SMU1: variants seen among roughly 807,000 people sequenced by gnomAD.
The protein encoded by SMU1 is WD40 repeat-containing protein SMU1.
A neutral mutation model predicts 62.0 loss-of-function variants in SMU1; 2 were observed. The ratio of observed to expected loss-of-function variants is 0.03; its 90% CI spans 0.01 to 0.10. The LOEUF is 0.10. Among genes scored for constraint, SMU1 ranks in the 10% least tolerant of loss-of-function variants. The pLI is 1.00. For missense variants in SMU1, 227 were observed against 622.1 expected, an observed-to-expected ratio of 0.36 and a Z score of 6.76; for synonymous variants, 188 against 212.4, an observed-to-expected ratio of 0.89 and a Z score of 1.00.
chr9:33,047,548 T>C (rs1220707875), intron 11 of SMU1, 157 bp from the exon 12 acceptor site: 3 of 162,428 alleles, frequency 1.8e-5, no homozygotes, highest in African/African-American at 7.2e-5. Flanking sequence ...CCAACTCACA[T>C]CACATTGTGA....
At chr9:33,060,130 T>A (rs1234934326) in intron 6 of SMU1, among the ~76,000 whole-genome samples, 1 of 152,108 alleles carries the variant, frequency 6.6e-6, no homozygotes, top group Admixed American at 6.5e-5. Context: ...CACTTCAGCC[T>A]CCCAGGCAGC....
intron 2 of SMU1, among the ~76,000 whole-genome samples, chr9:33,072,333 C>G (rs1839496024): frequency 6.6e-6 from 1 of 152,064 alleles, no homozygotes; most frequent in Non-Finnish European, 1.5e-5. Flanking sequence ...CGAGATCTGT[C>G]TCAATAAATA....
rs376541268 is a variant in SMU1, at chr9:33,059,584, CTGTTTTGTTT to C, written c.750+871_750+880del. Among the ~76,000 whole-genome samples, 588 of 146,308 alleles carry C rather than the reference CTGTTTTGTTT, an allele frequency of 4.0e-3. 5 individuals carry two copies. The highest frequency in any genetic ancestry group is 0.014 in the African/African-American group (546 of 39,210). The stretch of plus-strand genomic sequence containing the variant: ...CAGCCTGGGCCACAAGGGCGAAACT[CTGTTTTGTTT>C]TGTTTTGTTTTGTTTTGTTTTTTCC... On this transcript the variant is annotated intron_variant, in intron 6 of 11. Coordinates refer to ENST00000397149, the MANE Select transcript of SMU1 (RefSeq NM_018225.3).
chr9:33,054,144 C>T (rs1587707463), intron 9 of SMU1, among the ~76,000 whole-genome samples: 1 of 151,366 alleles, frequency 6.6e-6, no homozygotes, highest in Admixed American at 6.6e-5. Context: ...AAATAAAATA[C>T]AAACAAACAA....
rs374811318 is a variant in SMU1 at position 33,056,709 on chromosome 9, C to T, written c.995+128G>A. The stretch of plus-strand genomic sequence containing the variant: ...TTTGGGGACATAAGGTCTCACATAC[C>T]TTCCCTCTCCATATCACATCATCAT... On this transcript the variant is annotated intron_variant, in intron 8 of 11. Coordinates refer to ENST00000397149, the MANE Select transcript of SMU1 (RefSeq NM_018225.3). The T allele has an allele frequency of 4.2e-4, 437 of 1,032,116 alleles. 2 individuals are homozygous for T. The African/African-American group carries it at 5.9e-3, about 14-fold the overall frequency. 63.9% of individuals were successfully genotyped at this position (1,032,116 alleles called of 1,614,324 possible). A position where few individuals can be genotyped will look rare whatever the true frequency, so the allele number is the denominator to read the frequency against.
intron 8 of SMU1, among the ~76,000 whole-genome samples, chr9:33,056,565 T>C (rs1175403455): frequency 6.6e-6 from 1 of 152,148 alleles, no homozygotes; most frequent in Non-Finnish European, 1.5e-5. Flanking sequence ...TCTAAAGTGA[T>C]TATGATGCAG....
chr9:33,056,421 C>T (rs1367880838), intron 8 of SMU1, among the ~76,000 whole-genome samples, 182 bp from the exon 9 acceptor site: 1 of 152,092 alleles, frequency 6.6e-6, no homozygotes, highest in Non-Finnish European at 1.5e-5. Flanking sequence ...AAAAGCTTTG[C>T]AAAGAAAGAG....
chr9:33,055,406 TTAAAA>T (rs1326335649), intron 9 of SMU1, among the ~76,000 whole-genome samples: 1 of 152,186 alleles, frequency 6.6e-6, no homozygotes, highest in Admixed American at 6.5e-5. Flanking sequence ...AAATGTTTTA[TTAAAA>T]TGTCTAGATC....
At chr9:33,051,121 A>C (rs1342801077) in intron 10 of SMU1, among the ~76,000 whole-genome samples, 1 of 65,448 alleles carries the variant, frequency 1.5e-5, no homozygotes, top group Non-Finnish European at 3.7e-5. Flanking sequence ...ACTCTGTCTC[A>C]AAAAAAAAAA....
intron 4 of SMU1, among the ~76,000 whole-genome samples, chr9:33,064,326 T>C (rs1012579742): frequency 6.6e-6 from 1 of 152,210 alleles, no homozygotes; most frequent in African/African-American, 2.4e-5. Flanking sequence ...TCCTTGGTGT[T>C]TAATCTCTAA....
chr9:33,062,498 C>T (rs747088519), intron 4 of SMU1, among the ~76,000 whole-genome samples: 4 of 152,158 alleles, frequency 2.6e-5, no homozygotes, highest in African/African-American at 4.8e-5. Flanking sequence ...AACACACCCA[C>T]TATTAACATT....
chr9:33,066,408 G>T (rs1194545887), intron 4 of SMU1, among the ~76,000 whole-genome samples: 1 of 151,630 alleles, frequency 6.6e-6, no homozygotes, highest in African/African-American at 2.4e-5. Flanking sequence ...TGAGGGTCTA[G>T]GCTGGGCTCA....
rs1411459551 is a variant in SMU1 at position 33,061,715 on chromosome 9, CAGA to C, written c.630+331_630+333del. Among the ~76,000 whole-genome samples the C allele has an allele frequency of 2.0e-5, 3 of 152,290 alleles. No individual in the cohort carries two copies. The East Asian group carries it at 5.8e-4, about 29-fold the overall frequency. Reference sequence around the variant, plus strand: ...TAGCAGGCAAAATAAAAATGGTAAACAGAAGAAGTACATACAAAGTTCACAGTC... The same window carrying C: ...TAGCAGGCAAAATAAAAATGGTAAACAGAAGTACATACAAAGTTCACAGTC... On this transcript the variant is annotated intron_variant, in intron 5 of 11. Coordinates refer to ENST00000397149, the MANE Select transcript of SMU1 (RefSeq NM_018225.3).
At chr9:33,072,571 C>T (rs2117879218) in intron 2 of SMU1, among the ~76,000 whole-genome samples, 1 of 152,220 alleles carries the variant, frequency 6.6e-6, no homozygotes, top group East Asian at 1.9e-4. Context: ...GCAGCTCACA[C>T]CTGTAATCCC....
At chr9:33,048,316 T>C (rs1697848290) in intron 10 of SMU1, 58 bp from the exon 11 acceptor site, 1 of 1,590,034 alleles carries the variant, frequency 6.3e-7, no homozygotes, top group Non-Finnish European at 8.6e-7. Context: ...CTCAACCATG[T>C]GCAGCATTTT....
intron 8 of SMU1, among the ~76,000 whole-genome samples, chr9:33,056,509 T>G (rs553225489): frequency 1.3e-5 from 2 of 152,188 alleles, no homozygotes; most frequent in African/African-American, 4.8e-5. Context: ...AGCAGGAGAT[T>G]GAGATCAGTG....
chr9:33,075,713 T>C (rs1452503581), intron 1 of SMU1, among the ~76,000 whole-genome samples: 1 of 152,210 alleles, frequency 6.6e-6, no homozygotes, highest in Admixed American at 6.5e-5. Context: ...ATTTGCTGAA[T>C]GCATAAACCT....
At position 33,041,819 on chromosome 9, in the gene SMU1, C is replaced by T. The variant is rs1230029282; in HGVS notation, c.*5474G>A. ...TTTACTGTTTGATACATGGATGAAC[C>T]TTTAAAACATGCTAAATGAAATAAG... On this transcript the variant is annotated 3_prime_UTR_variant, in exon 12 of 12. Transcript: ENST00000397149. 1 of 151,604 alleles carries T rather than the reference C, an allele frequency of 6.6e-6. No individual in the cohort carries two copies. Among genetic ancestry groups the T allele is most frequent in the Non-Finnish European group, 1.5e-5 (1 of 68,018 alleles). 9.4% of individuals were successfully genotyped at this position (151,604 alleles called of 1,614,324 possible). A position where few individuals can be genotyped will look rare whatever the true frequency, so the allele number is the denominator to read the frequency against.
intron 2 of SMU1, among the ~76,000 whole-genome samples, chr9:33,072,125 G>C (rs1839493416): frequency 6.6e-6 from 1 of 152,112 alleles, no homozygotes; most frequent in Admixed American, 6.6e-5. Context: ...CTTGAGGTCA[G>C]CAGTTCGAAA....
Sources: allele counts gnomAD v4.1 joint callset (sites outside exome capture counted in the v4.1 genomes callset), GRCh38; gene constraint gnomAD v4.1.1; transcripts MANE v1.5; gene names NCBI Gene and HGNC (gene_info 2026-07-23, HGNC 2026-07-21).